MYLK: variants seen among roughly 807,000 people sequenced by gnomAD.
MYLK encodes myosin light chain kinase, also known as myosin light chain kinase, smooth muscle.
Under a neutral mutation model 203.4 loss-of-function variants are expected in MYLK, and 106 were observed. That is an observed-to-expected ratio of 0.52 (90% CI 0.45 to 0.61). The LOEUF (loss-of-function observed/expected upper bound fraction) is 0.61, where lower values mean the gene tolerates loss of function less well. Among genes scored for constraint, MYLK ranks in the 20% least tolerant of loss-of-function variants. The pLI is 0.00. For missense variants in MYLK, 2,072 were observed against 2,442.3 expected (o/e 0.85, Z 3.20); for synonymous variants, 867 against 959.5 (o/e 0.90, Z 1.78).
chr3:123,737,224 A>AG (rs1201292324), intron 8 of MYLK, 154 bp downstream of exon 8: 38 of 368,734 alleles, frequency 1.0e-4, no homozygotes, highest in Non-Finnish European at 1.2e-4. Context: ...GTCTGAAGAG[A>AG]AAAAAAAAAA....
At chr3:123,681,109 A>G (rs779616015) in intron 20 of MYLK, 3 of 152,216 alleles carry the variant, frequency 2.0e-5, no homozygotes, top group African/African-American at 4.8e-5. Context: ...GAATATATTC[A>G]TGTCATGAAT....
chr3:123,678,554 C>A (rs969608257), intron 20 of MYLK, among the ~76,000 whole-genome samples: 3 of 150,998 alleles, frequency 2.0e-5, no homozygotes, highest in African/African-American at 7.3e-5. Context: ...TGGTCATGAT[C>A]TATTTGATGA....
chr3:123,726,126 T>C, intron 11 of MYLK, 48 bp from the exon 12 acceptor site: 1 of 1,611,422 alleles, frequency 6.2e-7, no homozygotes, highest in Non-Finnish European at 8.5e-7. Flanking sequence ...TTGCCCACTC[T>C]GGTGATGCCT....
At chr3:123,813,256 C>T (rs1464020142) in intron 3 of MYLK, among the ~76,000 whole-genome samples, 1 of 152,204 alleles carries the variant, frequency 6.6e-6, no homozygotes, top group Non-Finnish European at 1.5e-5. Flanking sequence ...CTTACTTAAG[C>T]TTCTGCTTAT....
chr3:123,651,578 G>A (rs1328196371), intron 24 of MYLK, among the ~76,000 whole-genome samples: 1 of 152,168 alleles, frequency 6.6e-6, no homozygotes, highest in Non-Finnish European at 1.5e-5. Flanking sequence ...GCGTGGCATG[G>A]AGACCAGTGT....
At chr3:123,789,659 C>CA (rs745766578) in intron 4 of MYLK, among the ~76,000 whole-genome samples, 25,001 of 78,388 alleles carry the variant, frequency 0.32, 2,909 homozygotes, top group Non-Finnish European at 0.42. Flanking sequence ...GCTGGCAAAG[C>CA]AAAAAAAAAA....
At chr3:123,835,246 C>T (rs1461156684) in intron 2 of MYLK, among the ~76,000 whole-genome samples, 1 of 152,188 alleles carries the variant, frequency 6.6e-6, no homozygotes, top group Non-Finnish European at 1.5e-5. Flanking sequence ...TTGACAAGTC[C>T]TCCAGGTGAC....
Position 123,649,198 on chromosome 3 carries a change from G to GA in MYLK, c.4289-5_4289-4insT. 1 of 1,612,182 alleles carries GA rather than the reference G, an allele frequency of 6.2e-7. No homozygotes were observed. Among genetic ancestry groups the GA allele is most frequent in the Non-Finnish European group, 8.5e-7 (1 of 1,179,862 alleles). ...ACCTCCACTTCATCCTTCGGCTCTG[G>GA]GGGGGGCACAAGGAAGGACAGAGAG... is the stretch of plus-strand genomic sequence containing the variant. On this transcript the variant is annotated splice_polypyrimidine_tract_variant and splice_region_variant and intron_variant, in intron 24 of 33. Transcript: ENST00000360304.
intron 3 of MYLK, among the ~76,000 whole-genome samples, chr3:123,796,797 G>C (rs1480869613): frequency 1.3e-5 from 2 of 152,180 alleles, no homozygotes; most frequent in African/African-American, 4.8e-5. Flanking sequence ...GATGAGATGG[G>C]CATGCTCATA....
At position 123,667,181 on chromosome 3, in the gene MYLK, G is replaced by A. The variant is rs370872760; in HGVS notation, c.3659C>T (p.Ala1220Val). Residue 1220 changes from alanine (A) to valine (V), a missense_variant, in exon 21 of 34, where the codon GCG becomes GTG. Coordinates refer to ENST00000360304, the MANE Select transcript of MYLK (RefSeq NM_053025.4). ...LPPVLGTESDATVKKKPAPKT... is the reference protein window; with the variant it reads ...LPPVLGTESDVTVKKKPAPKT... ...GGGGGCAGGTTTCTTTTTCACAGTC[G>A]CATCACCTGAAACAAAGAAGTTCAC... The A allele has an allele frequency of 5.0e-5, 80 of 1,613,860 alleles. No individual in the cohort carries two copies. Among genetic ancestry groups the A allele is most frequent in the Non-Finnish European group, 6.4e-5 (76 of 1,179,910 alleles).
chr3:123,836,433 T>C (rs1440932942), intron 2 of MYLK, among the ~76,000 whole-genome samples: 1 of 152,200 alleles, frequency 6.6e-6, no homozygotes, highest in African/African-American at 2.4e-5. Context: ...TAACATATTA[T>C]ACACACTCTT....
intron 5 of MYLK, among the ~76,000 whole-genome samples, chr3:123,741,636 C>T (rs938033077): frequency 3.3e-5 from 5 of 152,138 alleles, no homozygotes; most frequent in African/African-American, 1.2e-4. Flanking sequence ...ACAGCACCTC[C>T]GTTTCTGTGA....
At chr3:123,802,629 T>G (rs2065234780) in intron 3 of MYLK, among the ~76,000 whole-genome samples, 1 of 152,158 alleles carries the variant, frequency 6.6e-6, no homozygotes, top group African/African-American at 2.4e-5. Context: ...TCTAATCAAA[T>G]CCACACACCT....
At chr3:123,796,786 T>A (rs111374579) in intron 3 of MYLK, among the ~76,000 whole-genome samples, 73 of 152,328 alleles carry the variant, frequency 4.8e-4, no homozygotes, top group African/African-American at 1.7e-3. Context: ...GGTGAGACCA[T>A]GATGAGATGG....
intron 3 of MYLK, among the ~76,000 whole-genome samples, chr3:123,800,416 C>T (rs2065154585): frequency 6.6e-6 from 1 of 152,104 alleles, no homozygotes; most frequent in African/African-American, 2.4e-5. Context: ...TGAAGAAGCC[C>T]TGTTTATGAT....
chr3:123,836,436 A>G (rs991461865), intron 2 of MYLK, among the ~76,000 whole-genome samples: 9 of 152,210 alleles, frequency 5.9e-5, no homozygotes, highest in African/African-American at 2.2e-4. Flanking sequence ...CATATTATAC[A>G]CACTCTTCTA....
chr3:123,819,596 G>A (rs777966588), intron 3 of MYLK, among the ~76,000 whole-genome samples: 4 of 152,150 alleles, frequency 2.6e-5, no homozygotes, highest in South Asian at 2.1e-4. Flanking sequence ...AAAGATAGTG[G>A]CAAAATAAAC....
chr3:123,710,602 T>C (rs1028706295), intron 13 of MYLK, among the ~76,000 whole-genome samples: 1 of 152,200 alleles, frequency 6.6e-6, no homozygotes, highest in African/African-American at 2.4e-5. Flanking sequence ...GACAAGGATG[T>C]GGAAAAACTT....
chr3:123,794,130 C>T (rs1419052772), intron 3 of MYLK, among the ~76,000 whole-genome samples: 1 of 152,200 alleles, frequency 6.6e-6, no homozygotes, highest in Admixed American at 6.5e-5. Context: ...TTTCACTGAC[C>T]CCTTCTTCTA....
Sources: gnomAD v4.1 joint callset for allele counts (sites outside exome capture counted in the v4.1 genomes callset) on GRCh38, gnomAD v4.1.1 for gene constraint, MANE v1.5 for transcripts, NCBI Gene and HGNC (gene_info 2026-07-23, HGNC 2026-07-21) for gene names.